The following IPCEF1 variants were observed in gnomAD, a reference collection of about 807,000 sequenced individuals.
IPCEF1 encodes the protein interactor protein for cytohesin exchange factors 1.
IPCEF1 carries 31 observed loss-of-function variants against 50.9 expected under a neutral mutation model. The observed-to-expected ratio is 0.61, with a 90% CI of 0.46 to 0.82. The LOEUF (loss-of-function observed/expected upper bound fraction) is 0.82, where lower values mean the gene tolerates loss of function less well. IPCEF1 is among the 40% of genes least tolerant of loss of function. IPCEF1 has a pLI of 0.00. For missense variants in IPCEF1, 458 were observed against 514.0 expected (o/e 0.89, Z 1.05); for synonymous variants, 181 against 192.0 (o/e 0.94, Z 0.47).
intron 2 of IPCEF1, among the ~76,000 whole-genome samples, chr6:154,279,008 C>T (rs527367127): frequency 6.6e-6 from 1 of 150,526 alleles, no homozygotes; most frequent in Non-Finnish European, 1.5e-5. Flanking sequence ...ACCTGTGGTC[C>T]CAGCTACTTG....
At chr6:154,180,405 T>C (rs962086886) in intron 10 of IPCEF1, among the ~76,000 whole-genome samples, 1 of 41,956 alleles carries the variant, frequency 2.4e-5, no homozygotes, top group African/African-American at 7.3e-5. Context: ...TATATATATA[T>C]ATATATATAT....
At chr6:154,162,414 C>A (rs1799099528) in intron 11 of IPCEF1, among the ~76,000 whole-genome samples, 1 of 152,208 alleles carries the variant, frequency 6.6e-6, no homozygotes, top group South Asian at 2.1e-4. Context: ...ACCAAAACTG[C>A]TCTTGTGAAG....
At chr6:154,177,208 C>T (rs9371330) in intron 10 of IPCEF1, among the ~76,000 whole-genome samples, 7,696 of 151,250 alleles carry the variant, frequency 0.051, 311 homozygotes, top group South Asian at 0.2. Flanking sequence ...TAGGCAATAC[C>T]GTTCAGGACA....
chr6:154,329,758 C>T (rs913854575), intron 1 of IPCEF1, among the ~76,000 whole-genome samples: 4 of 151,836 alleles, frequency 2.6e-5, no homozygotes, highest in African/African-American at 9.7e-5. Context: ...TCATTTTCCT[C>T]GCAAACAGCT....
At chr6:154,336,881 G>A (rs371289293) in intron 1 of IPCEF1, among the ~76,000 whole-genome samples, 3 of 152,284 alleles carry the variant, frequency 2.0e-5, no homozygotes, top group African/African-American at 7.2e-5. Context: ...TGAGACTACA[G>A]GCGTGATCAA....
chr6:154,350,994 A>G (rs1021718007), intron 1 of IPCEF1, among the ~76,000 whole-genome samples: 1 of 152,232 alleles, frequency 6.6e-6, no homozygotes, highest in African/African-American at 2.4e-5. Flanking sequence ...TGCTAGGATT[A>G]CAGGCATCAA....
intron 9 of IPCEF1, among the ~76,000 whole-genome samples, chr6:154,205,970 C>G (rs533089547): frequency 6.6e-6 from 1 of 152,040 alleles, no homozygotes; most frequent in Non-Finnish European, 1.5e-5. Context: ...TGCTGCTAGG[C>G]CTGAAACTAA....
intron 10 of IPCEF1, among the ~76,000 whole-genome samples, chr6:154,192,161 T>G (rs1167454302): frequency 6.6e-6 from 1 of 152,216 alleles, no homozygotes; most frequent in Non-Finnish European, 1.5e-5. Flanking sequence ...TGTATGCCTA[T>G]CTTCAACTTT....
At position 154,215,259 on chromosome 6, in the gene IPCEF1, C is replaced by T. The variant is rs529220534; in HGVS notation, c.393-983G>A. ...TGTCAGATAATTAGGAATCCTTACG[C>T]AACCCTCAACCTGCCATGGTCTTGT... On this transcript the variant is annotated intron_variant, in intron 7 of 11. Transcript: ENST00000367220. Among the ~76,000 whole-genome samples, 38 of 151,630 alleles carry T rather than the reference C, an allele frequency of 2.5e-4. 1 individual carries two copies. The South Asian group carries it at 8.0e-3, about 32-fold the overall frequency.
rs139394101 is a variant in IPCEF1 at position 154,308,141 on chromosome 6, T to C, written c.-61-18385A>G. Among the ~76,000 whole-genome samples the C allele has an allele frequency of 8.0e-3, 1,222 of 152,328 alleles. 16 individuals carry two copies. Among genetic ancestry groups the C allele is most frequent in the African/African-American group, 0.028 (1,144 of 41,576 alleles). On this transcript the variant is annotated intron_variant, in intron 1 of 11. Transcript: ENST00000367220. ...CCAAAAGATATGATTAATTTACTTA[T>C]GTCCTTTCTGTGATCTAAGCTGGCG...
intron 5 of IPCEF1, among the ~76,000 whole-genome samples, chr6:154,228,155 C>T (rs1360848677): frequency 3.3e-5 from 5 of 151,962 alleles, no homozygotes; most frequent in African/African-American, 9.7e-5. Context: ...TTCTTCAATT[C>T]CTAACTTTCT....
At chr6:154,169,065 C>T (rs976414809) in intron 10 of IPCEF1, among the ~76,000 whole-genome samples, 1 of 151,748 alleles carries the variant, frequency 6.6e-6, no homozygotes, top group African/African-American at 2.4e-5. Flanking sequence ...AAAAGCTCAC[C>T]CAAATATCAT....
Position 154,159,552 on chromosome 6 carries a change from C to T in IPCEF1, c.*276G>A, listed in dbSNP as rs879092782. 3 of 450,776 alleles carry T rather than the reference C, an allele frequency of 6.7e-6. No homozygotes were observed. Among genetic ancestry groups the T allele is most frequent in the Non-Finnish European group, 3.9e-6 (1 of 256,040 alleles). The allele number at this position is 450,776 out of a possible 1,614,324, so 27.9% of individuals were successfully genotyped here. A position where few individuals can be genotyped will look rare whatever the true frequency, so the allele number is the denominator to read the frequency against. On this transcript the variant is annotated 3_prime_UTR_variant, in exon 12 of 12. Transcript: ENST00000367220. ...CAGAAGAGACATTTCTCACATCCCCCCTAGAGCCCCACATCACCGTGAGCT... is the reference window on the plus strand; with the variant it reads ...CAGAAGAGACATTTCTCACATCCCCTCTAGAGCCCCACATCACCGTGAGCT...
intron 5 of IPCEF1, among the ~76,000 whole-genome samples, chr6:154,225,199 T>G (rs1336309032): frequency 4.6e-5 from 7 of 152,184 alleles, no homozygotes. Context: ...ATCATGTTGG[T>G]GCTCAAAAAC....
At chr6:154,276,334 T>TAAAAG (rs60309071) in intron 2 of IPCEF1, among the ~76,000 whole-genome samples, 144,985 of 151,626 alleles carry the variant, frequency 0.96, 69,329 homozygotes, top group East Asian at 1. Flanking sequence ...AAGGAGGAAA[T>TAAAAG]AAAAGATCAT....
intron 10 of IPCEF1, among the ~76,000 whole-genome samples, chr6:154,194,995 T>C (rs1776468712): frequency 6.6e-6 from 1 of 152,146 alleles, no homozygotes; most frequent in South Asian, 2.1e-4. Flanking sequence ...TTCACCCTGA[T>C]AGGCATGCTG....
chr6:154,175,923 A>G (rs1394007372), intron 10 of IPCEF1, among the ~76,000 whole-genome samples: 1 of 152,222 alleles, frequency 6.6e-6, no homozygotes, highest in Non-Finnish European at 1.5e-5. Flanking sequence ...AAAATCCTCA[A>G]TAAAATACTG....
At chr6:154,171,786 A>AG (rs1247605182) in intron 10 of IPCEF1, among the ~76,000 whole-genome samples, 1 of 152,198 alleles carries the variant, frequency 6.6e-6, no homozygotes, top group African/African-American at 2.4e-5. Context: ...TGACTCCTGA[A>AG]GGGGGGCATT....
At chr6:154,182,842 A>T (rs778561050) in intron 10 of IPCEF1, among the ~76,000 whole-genome samples, 55 of 152,184 alleles carry the variant, frequency 3.6e-4, no homozygotes, top group Non-Finnish European at 5.6e-4. Flanking sequence ...TAAAAATGAA[A>T]ATTTTAGAAA....
Sources: gnomAD v4.1 joint callset for allele counts (sites outside exome capture counted in the v4.1 genomes callset) on GRCh38, gnomAD v4.1.1 for gene constraint, MANE v1.5 for transcripts, NCBI Gene and HGNC (gene_info 2026-07-23, HGNC 2026-07-21) for gene names.